The following APBA1 variants were observed in gnomAD, a reference collection of about 807,000 sequenced individuals.
The protein encoded by APBA1 is amyloid-beta A4 precursor protein-binding family A member 1.
Under a neutral mutation model 86.6 loss-of-function variants are expected in APBA1, and 55 were observed. That is an observed-to-expected ratio of 0.64 (90% CI 0.51 to 0.80). The LOEUF (loss-of-function observed/expected upper bound fraction) is 0.80, where lower values mean the gene tolerates loss of function less well. Among genes scored for constraint, APBA1 ranks in the 30% least tolerant of loss-of-function variants. The pLI is 0.00. For missense variants in APBA1, 1,090 were observed against 1,183.0 expected, an observed-to-expected ratio of 0.92 and a Z score of 1.15; for synonymous variants, 511 against 493.9, an observed-to-expected ratio of 1.03 and a Z score of -0.46.
intron 2 of APBA1, among the ~76,000 whole-genome samples, chr9:69,484,108 A>AT (rs1264408940): frequency 2.0e-5 from 3 of 152,060 alleles, no homozygotes; most frequent in Admixed American, 6.6e-5. Flanking sequence ...GTGCAGCTGG[A>AT]TTTTCTTTAA....
chr9:69,667,575 G>A lies in APBA1; in HGVS notation c.-70+4578C>T, dbSNP rs141320771. Reference sequence around the variant, plus strand: ...AGAATCCTTCCTTTGCTTTCATCTAGTATCCTCCCATCTTCTTGAAGACTT... The same window carrying A: ...AGAATCCTTCCTTTGCTTTCATCTAATATCCTCCCATCTTCTTGAAGACTT... On this transcript the variant is annotated intron_variant, in intron 1 of 12. Coordinates refer to ENST00000265381, the MANE Select transcript of APBA1 (RefSeq NM_001163.4). 3.5e-3 allele frequency among the ~76,000 whole-genome samples: 525 copies of A among 148,606 alleles called. 7 individuals are homozygous for A. Among genetic ancestry groups the A allele is most frequent in the African/African-American group, 0.012 (501 of 40,136 alleles).
chr9:69,495,124 C>T (rs1360917439), intron 2 of APBA1, among the ~76,000 whole-genome samples: 2 of 152,066 alleles, frequency 1.3e-5, no homozygotes, highest in Non-Finnish European at 2.9e-5. Context: ...GCAGCCTTTG[C>T]TCTGTCCTTA....
intron 1 of APBA1, among the ~76,000 whole-genome samples, chr9:69,537,664 C>A (rs2133914060): frequency 1.3e-5 from 2 of 152,176 alleles, no homozygotes; most frequent in South Asian, 4.2e-4. Flanking sequence ...TAATTGTTGT[C>A]AATCTGGTAA....
chr9:69,499,655 T>C (rs1442768936), intron 2 of APBA1, among the ~76,000 whole-genome samples: 1 of 126,520 alleles, frequency 7.9e-6, no homozygotes, highest in Non-Finnish European at 1.7e-5. Flanking sequence ...AGTAGTTTCC[T>C]AGCAACGGTC....
intron 1 of APBA1, among the ~76,000 whole-genome samples, chr9:69,526,061 T>A (rs1836337342): frequency 6.6e-6 from 1 of 151,950 alleles, no homozygotes; most frequent in South Asian, 2.1e-4. Flanking sequence ...ATGCAAAAAA[T>A]TAAGGTGGAT....
chr9:69,659,375 AT>A (rs1823706158), intron 1 of APBA1, among the ~76,000 whole-genome samples: 1 of 152,234 alleles, frequency 6.6e-6, no homozygotes, highest in Non-Finnish European at 1.5e-5. Flanking sequence ...ATCATAATAA[AT>A]GACACCTGAA....
At position 69,516,438 on chromosome 9, in the gene APBA1, T is replaced by A; in HGVS notation, c.773A>T (p.Tyr258Phe). 1 of 1,604,286 alleles carries A rather than the reference T, an allele frequency of 6.2e-7. No homozygotes were observed. Among genetic ancestry groups the A allele is most frequent in the Non-Finnish European group, 8.5e-7 (1 of 1,178,634 alleles). Residue 258 changes from tyrosine (Y) to phenylalanine (F), a missense_variant, in exon 2 of 13, where the codon TAC (tyrosine) becomes TTC (phenylalanine). This residue lies in a region of APBA1 where 678 missense variants were observed against 647.1 expected (regional missense o/e 1.05). Transcript: ENST00000265381. This position sits in a 1 kb window ranked among gnomAD's most constrained non-coding sequence, Gnocchi z 7.3. ...SPEKEAEFAP[Y>F]PRMDSYEQEE... ...CTGCTCGTAGCTGTCCATGCGCGGG[T>A]AGGGCGCGAACTCGGCCTCCTTCTC...
intron 1 of APBA1, among the ~76,000 whole-genome samples, chr9:69,532,587 C>G (rs1836450623): frequency 1.3e-5 from 2 of 152,226 alleles, no homozygotes; most frequent in East Asian, 3.9e-4. Flanking sequence ...TAGCACTAGG[C>G]TCACATCTGC....
chr9:69,626,690 C>T (rs1416171160), intron 1 of APBA1, among the ~76,000 whole-genome samples: 1 of 152,058 alleles, frequency 6.6e-6, no homozygotes, highest in African/African-American at 2.4e-5. Flanking sequence ...TAAGACTTGG[C>T]CAAATCTCTT....
chr9:69,550,923 A>T (rs181077438), intron 1 of APBA1, among the ~76,000 whole-genome samples: 1 of 152,352 alleles, frequency 6.6e-6, no homozygotes, highest in Admixed American at 6.5e-5. Flanking sequence ...CAATATGCAT[A>T]CATAGATATG....
At chr9:69,669,649 C>T (rs1214925896) in intron 1 of APBA1, among the ~76,000 whole-genome samples, 8 of 152,116 alleles carry the variant, frequency 5.3e-5, no homozygotes, top group Non-Finnish European at 1.0e-4. Flanking sequence ...GTGCCATGTG[C>T]CTATTGTCCC....
intron 11 of APBA1, among the ~76,000 whole-genome samples, chr9:69,440,276 T>G (rs1187051655): frequency 6.6e-6 from 1 of 152,214 alleles, no homozygotes; most frequent in East Asian, 1.9e-4. Context: ...GATCTCAAGC[T>G]GTGTGCTGGG....
intron 1 of APBA1, among the ~76,000 whole-genome samples, chr9:69,606,359 G>A (rs1822472059): frequency 6.6e-6 from 1 of 151,132 alleles, no homozygotes; most frequent in Non-Finnish European, 1.5e-5. Flanking sequence ...CTGCTGCCTA[G>A]TTTGAACTTC....
chr9:69,521,996 G>T (rs1836260087), intron 1 of APBA1, among the ~76,000 whole-genome samples: 1 of 151,640 alleles, frequency 6.6e-6, no homozygotes, highest in Admixed American at 6.6e-5. Flanking sequence ...GCCTCCCTTT[G>T]TGCCCGCTGT....
chr9:69,435,237 TA>T (rs1467935214), intron 11 of APBA1, among the ~76,000 whole-genome samples: 6 of 152,128 alleles, frequency 3.9e-5, no homozygotes, highest in Non-Finnish European at 7.3e-5. Flanking sequence ...CTATTGTGAA[TA>T]GTGCCACAAT....
At chr9:69,448,058 G>T (rs1834941513) in intron 10 of APBA1, among the ~76,000 whole-genome samples, 1 of 151,776 alleles carries the variant, frequency 6.6e-6, no homozygotes, top group South Asian at 2.1e-4. Context: ...CACCAGACCA[G>T]CCGTTCCGGG....
At chr9:69,597,144 T>G (rs1822244587) in intron 1 of APBA1, among the ~76,000 whole-genome samples, 2 of 152,216 alleles carry the variant, frequency 1.3e-5, no homozygotes, top group African/African-American at 4.8e-5. Flanking sequence ...AACTGAGAAA[T>G]CTACTTATTT....
intron 8 of APBA1, among the ~76,000 whole-genome samples, chr9:69,454,079 G>T (rs1454813654): frequency 6.6e-6 from 1 of 152,202 alleles, no homozygotes; most frequent in Non-Finnish European, 1.5e-5. Context: ...CTCTAGAGCG[G>T]TGTTTTAAAA....
intron 1 of APBA1, among the ~76,000 whole-genome samples, chr9:69,526,675 A>G (rs1012306588): frequency 6.6e-6 from 1 of 152,026 alleles, no homozygotes; most frequent in Non-Finnish European, 1.5e-5. Flanking sequence ...TTCTCAGAGA[A>G]CTACAATTCG....
Sources: gnomAD v4.1 joint callset for allele counts (sites outside exome capture counted in the v4.1 genomes callset) on GRCh38, gnomAD v4.1.1 for gene constraint, gnomAD v4.1.1 regional missense constraint, Gnocchi (gnomAD v3.1) non-coding constraint, MANE v1.5 for transcripts, NCBI Gene and HGNC (gene_info 2026-07-23, HGNC 2026-07-21) for gene names.